The following OCA2 variants were observed in gnomAD, a reference collection of about 807,000 sequenced individuals.
OCA2 encodes OCA2 melanosomal transmembrane protein, also known as P protein.
OCA2 carries 77 observed loss-of-function variants against 100.2 expected under a neutral mutation model. The observed-to-expected ratio is 0.77, with a 90% CI of 0.64 to 0.93. The LOEUF (loss-of-function observed/expected upper bound fraction) is 0.93, where lower values mean the gene tolerates loss of function less well. OCA2 is among the 40% of genes least tolerant of loss of function. The probability of loss-of-function intolerance (pLI) is 0.00; values close to 1 mark genes in which losing one functional copy is unlikely to be tolerated. For missense variants in OCA2, 1,062 were observed against 1,089.1 expected, an observed-to-expected ratio of 0.98 and a Z score of 0.35; for synonymous variants, 432 against 439.2, an observed-to-expected ratio of 0.98 and a Z score of 0.21.
chr15:27,861,381 C>A (rs2036125135), intron 21 of OCA2, among the ~76,000 whole-genome samples: 1 of 152,074 alleles, frequency 6.6e-6, no homozygotes, highest in Non-Finnish European at 1.5e-5. Flanking sequence ...ACAACCGGGG[C>A]TAGGCTCTGG....
the OCA2 span, among the ~76,000 whole-genome samples, chr15:27,745,918 GC>G: frequency 6.6e-6 from 1 of 152,154 alleles, no homozygotes; most frequent in East Asian, 1.9e-4. Context: ...TGACTTGGAA[GC>G]CCCCTGCTTC....
intron 23 of OCA2, among the ~76,000 whole-genome samples, chr15:27,827,249 G>A (rs1323556638): frequency 1.3e-5 from 2 of 152,264 alleles, no homozygotes; most frequent in East Asian, 1.9e-4. Context: ...GTCACACAAC[G>A]CGAGAGGGGC....
At chr15:27,961,078 C>T (rs565737099) in intron 15 of OCA2, among the ~76,000 whole-genome samples, 26 of 152,024 alleles carry the variant, frequency 1.7e-4, no homozygotes, top group Middle Eastern at 3.4e-3. Flanking sequence ...ATATGCAGAA[C>T]CTACAAAGAA....
chr15:27,755,911 G>C (rs568411890), intron 23 of OCA2, among the ~76,000 whole-genome samples: 1 of 152,208 alleles, frequency 6.6e-6, no homozygotes, highest in Admixed American at 6.5e-5. Flanking sequence ...GCCAAGGAGA[G>C]CTTGATAAGT....
intron 21 of OCA2, among the ~76,000 whole-genome samples, chr15:27,866,851 A>C (rs1434482979): frequency 6.6e-6 from 1 of 152,240 alleles, no homozygotes; most frequent in African/African-American, 2.4e-5. Flanking sequence ...CCTGCATTGC[A>C]GCTAGAACAG....
chr15:27,892,739 G>GTATTATTTCTACTAAT (rs2037516909), intron 19 of OCA2, among the ~76,000 whole-genome samples: 1 of 152,034 alleles, frequency 6.6e-6, no homozygotes, highest in Admixed American at 6.6e-5. Flanking sequence ...AGTTAATATA[G>GTATTATTTCTACTAAT]GACAATACTA....
In OCA2 at chr15:28,016,087, A is replaced by T; in HGVS notation, c.890+17T>A. ...CCCAGAGAGCCTGCCCCAACACCTC[A>T]CTCACTGAGAACTCACCTGGTCAGT... On this transcript the variant is annotated intron_variant, in intron 8 of 23. Coordinates refer to ENST00000354638, the MANE Select transcript of OCA2 (RefSeq NM_000275.3). 1 of 1,606,512 alleles carries T rather than the reference A, an allele frequency of 6.2e-7. No individual in the cohort carries two copies. The highest frequency in any genetic ancestry group is 8.5e-7 in the Non-Finnish European group (1 of 1,173,216).
intron 4 of OCA2, among the ~76,000 whole-genome samples, chr15:28,027,300 G>T (rs2042782651): frequency 6.6e-6 from 1 of 152,148 alleles, no homozygotes; most frequent in African/African-American, 2.4e-5. Context: ...GCTCCCGTAG[G>T]CATGTGCACC....
At chr15:27,888,703 A>G (rs2037330052) in intron 19 of OCA2, among the ~76,000 whole-genome samples, 1 of 152,170 alleles carries the variant, frequency 6.6e-6, no homozygotes, top group Non-Finnish European at 1.5e-5. Flanking sequence ...AGCATCTTCA[A>G]TCTGAAAACA....
rs759716236 is a variant in OCA2 at position 27,957,921 on chromosome 15, G to A, written c.1637-186C>T. Among the ~76,000 whole-genome samples the A allele has an allele frequency of 2.6e-5, 4 of 152,138 alleles. No homozygotes were observed. The highest frequency in any genetic ancestry group is 7.2e-5 in the African/African-American group (3 of 41,434). ...GCAATGGAGCCCAGACGACAAAGCC[G>A]ACATTTAAAAATTATCACAAATTGC... On this transcript the variant is annotated intron_variant, in intron 15 of 23. Coordinates refer to ENST00000354638, the MANE Select transcript of OCA2 (RefSeq NM_000275.3). The surrounding 1 kb of genome is among the most constrained non-coding windows in gnomAD (Gnocchi z 4.3).
At chr15:27,808,028 G>A (rs2151204829) in intron 23 of OCA2, among the ~76,000 whole-genome samples, 1 of 152,330 alleles carries the variant, frequency 6.6e-6, no homozygotes, top group Middle Eastern at 3.4e-3. Flanking sequence ...TGCAGACACA[G>A]GTGCCTTTAC....
At chr15:27,743,291 A>G in the OCA2 span, among the ~76,000 whole-genome samples, 7 of 152,212 alleles carry the variant, frequency 4.6e-5, no homozygotes, top group Non-Finnish European at 1.0e-4. Context: ...TGCACTGCCA[A>G]TGGATGCGGA....
intron 19 of OCA2, among the ~76,000 whole-genome samples, chr15:27,919,948 A>G (rs1420994842): frequency 6.6e-6 from 1 of 152,156 alleles, no homozygotes; most frequent in East Asian, 1.9e-4. Context: ...ATTCTTAAAA[A>G]CTTAAGACTT....
chr15:27,886,143 C>A (rs77379240), intron 19 of OCA2, among the ~76,000 whole-genome samples: 2 of 152,144 alleles, frequency 1.3e-5, no homozygotes, highest in Non-Finnish European at 2.9e-5. Context: ...AGAAGGCCAC[C>A]GTGTCTGGGG....
At chr15:27,771,318 C>T (rs1477221492) in intron 23 of OCA2, among the ~76,000 whole-genome samples, 1 of 150,988 alleles carries the variant, frequency 6.6e-6, no homozygotes, top group Non-Finnish European at 1.5e-5. Context: ...GGCCCCAGCT[C>T]GGAGAAAGGG....
chr15:27,731,473 G>A, the OCA2 span, among the ~76,000 whole-genome samples: 2 of 152,144 alleles, frequency 1.3e-5, no homozygotes, highest in Non-Finnish European at 2.9e-5. Flanking sequence ...CTCATATGTG[G>A]GATTTGGCCT....
chr15:28,043,508 G>A lies in OCA2; in HGVS notation c.228-11345C>T, dbSNP rs1031222151. 2.0e-5 allele frequency among the ~76,000 whole-genome samples: 3 copies of A among 152,240 alleles called. No homozygotes were observed. Among genetic ancestry groups the A allele is most frequent in the South Asian group, 2.1e-4 (1 of 4,814 alleles). On this transcript the variant is annotated intron_variant, in intron 2 of 23. Transcript: ENST00000354638. This position sits in a 1 kb window ranked among gnomAD's most constrained non-coding sequence, Gnocchi z 4.4. ...AGTAAAACAGAACATTCGATCCTTG[G>A]GCTTAAGTAATTCCTCAGACATAAG...
Position 27,780,757 on chromosome 15 carries a change from G to A in OCA2, c.2433-25285C>T, listed in dbSNP as rs183103747. ...GCTTGAATGACTTTAAACAACCAGT[G>A]TTCTGAGGCGATATCCTTTGAAGAG... On this transcript the variant is annotated intron_variant, in intron 23 of 23. Transcript: ENST00000354638. 1.6e-4 allele frequency among the ~76,000 whole-genome samples: 24 copies of A among 152,312 alleles called. No individual in the cohort carries two copies. In the South Asian group the frequency reaches 2.3e-3, roughly 14 times the overall value.
At chr15:27,970,987 G>A (rs1400831026) in intron 14 of OCA2, among the ~76,000 whole-genome samples, 2 of 151,920 alleles carry the variant, frequency 1.3e-5, no homozygotes. Flanking sequence ...GGCATGGTGG[G>A]AAAACGTGAA....
Sources: allele counts gnomAD v4.1 joint callset (sites outside exome capture counted in the v4.1 genomes callset), GRCh38; gene constraint gnomAD v4.1.1; non-coding constraint Gnocchi (gnomAD v3.1); transcripts MANE v1.5; gene names NCBI Gene and HGNC (gene_info 2026-07-23, HGNC 2026-07-21).